Variants in NCOA2 observed in about 807,000 individuals in gnomAD.
The protein encoded by NCOA2 is nuclear receptor coactivator 2.
NCOA2 carries 21 observed loss-of-function variants against 145.1 expected under a neutral mutation model. That is an observed-to-expected ratio of 0.14 (90% confidence interval 0.10 to 0.21). NCOA2 has a LOEUF of 0.21. Among genes scored for constraint, NCOA2 ranks in the 10% least tolerant of loss-of-function variants. NCOA2 has a pLI of 1.00. For missense variants in NCOA2, 1,472 were observed against 1,837.6 expected, an observed-to-expected ratio of 0.80 and a Z score of 3.64; for synonymous variants, 619 against 637.5, an observed-to-expected ratio of 0.97 and a Z score of 0.44.
At chr8:70,422,401 G>T in the NCOA2 span, among the ~76,000 whole-genome samples, 3 of 144,876 alleles carry the variant, frequency 2.1e-5, no homozygotes, top group African/African-American at 5.0e-5. Context: ...AAAATGCTGT[G>T]TTTTTTTTTT....
chr8:70,273,260 G>C (rs1563708074), intron 2 of NCOA2: 1 of 201,068 alleles, frequency 5.0e-6, no homozygotes, highest in Non-Finnish European at 1.0e-5. Flanking sequence ...ACTTAGAACA[G>C]GGAGCTGCCA....
chr8:70,399,771 C>T (rs964680706), intron 1 of NCOA2, among the ~76,000 whole-genome samples: 1 of 152,188 alleles, frequency 6.6e-6, no homozygotes, highest in Non-Finnish European at 1.5e-5. Context: ...TTTAAAGAGA[C>T]CATCCCCTTT....
Position 70,157,098 on chromosome 8 carries a change from T to C in NCOA2, c.1267A>G (p.Ile423Val), listed in dbSNP as rs777387614. 1.1e-5 allele frequency: 17 copies of C among 1,613,920 alleles called. No homozygotes were observed. In the African/African-American group the frequency reaches 1.7e-4, roughly 16 times the overall value. ...TTTGGGCCATTTATGGGAAAATTTA[T>C]ATTGCTACTGAGGGTCATGTCCTGA... ...PGQDMTLSSN[I>V]NFPINGPKEQ... Residue 423 changes from isoleucine (I) to valine (V), a missense_variant, in exon 11 of 23, where the codon ATA becomes GTA. Around this residue, in one of 4 missense-constraint regions of NCOA2, gnomAD observed 953 missense variants for 1,062.1 expected, o/e 0.90. Transcript: ENST00000452400.
At chr8:70,439,173 A>C in the NCOA2 span, among the ~76,000 whole-genome samples, 2 of 152,142 alleles carry the variant, frequency 1.3e-5, no homozygotes, top group Non-Finnish European at 2.9e-5. Flanking sequence ...CTAAGTTTGT[A>C]TGTCTCTTGC....
At chr8:70,449,516 C>A in the NCOA2 span, among the ~76,000 whole-genome samples, 2 of 152,174 alleles carry the variant, frequency 1.3e-5, no homozygotes, top group East Asian at 3.8e-4. Context: ...GGAGAGGGAG[C>A]GAGCAAAGGA....
At chr8:70,118,914 T>C (rs969781163) in intron 22 of NCOA2, among the ~76,000 whole-genome samples, 2 of 152,042 alleles carry the variant, frequency 1.3e-5, no homozygotes, top group Admixed American at 6.6e-5. Context: ...TCTCAAACTC[T>C]TGACCTCAGG....
intron 1 of NCOA2, among the ~76,000 whole-genome samples, chr8:70,366,501 G>A (rs1247979085): frequency 2.6e-5 from 4 of 151,332 alleles, no homozygotes; most frequent in Admixed American, 2.6e-4. Context: ...GGGGCTTTCG[G>A]GGGGAGAAGA....
At chr8:70,119,679 C>CT (rs1477711346) in intron 22 of NCOA2, among the ~76,000 whole-genome samples, 2 of 152,088 alleles carry the variant, frequency 1.3e-5, no homozygotes, top group Non-Finnish European at 2.9e-5. Flanking sequence ...TGAGAGTTCC[C>CT]TTTTTTACTC....
intron 13 of NCOA2, among the ~76,000 whole-genome samples, chr8:70,142,643 G>A (rs1810576558): frequency 2.0e-5 from 3 of 152,288 alleles, no homozygotes; most frequent in Admixed American, 2.0e-4. Context: ...AAGCTATGGT[G>A]AGCTGTGATT....
At chr8:70,430,266 C>T in the NCOA2 span, among the ~76,000 whole-genome samples, 3 of 152,150 alleles carry the variant, frequency 2.0e-5, no homozygotes, top group Admixed American at 6.6e-5. Flanking sequence ...TTTGAATTTA[C>T]CTTACAGATA....
chr8:70,192,111 C>T (rs1816758405), intron 4 of NCOA2, among the ~76,000 whole-genome samples: 1 of 152,056 alleles, frequency 6.6e-6, no homozygotes, highest in Non-Finnish European at 1.5e-5. Flanking sequence ...TGAAACCAAG[C>T]TTTACATGTA....
chr8:70,198,183 G>A (rs963463224), intron 4 of NCOA2, among the ~76,000 whole-genome samples: 2 of 152,254 alleles, frequency 1.3e-5, no homozygotes, highest in South Asian at 4.1e-4. Flanking sequence ...TTAAGATAAG[G>A]TTCCTCCACA....
intron 2 of NCOA2, among the ~76,000 whole-genome samples, chr8:70,273,186 C>T (rs1825189494): frequency 6.6e-6 from 1 of 152,066 alleles, no homozygotes; most frequent in Admixed American, 6.5e-5. Context: ...TAGCCTAAAG[C>T]AGTGAGCAGA....
At chr8:70,168,833 G>C (rs891607267) in intron 6 of NCOA2, among the ~76,000 whole-genome samples, 1 of 152,134 alleles carries the variant, frequency 6.6e-6, no homozygotes, top group Admixed American at 6.5e-5. Context: ...CTACTGAAGA[G>C]ATCTGAAAAT....
chr8:70,391,324 C>G (rs1219612267), intron 1 of NCOA2, among the ~76,000 whole-genome samples: 1 of 152,214 alleles, frequency 6.6e-6, no homozygotes, highest in Admixed American at 6.5e-5. Flanking sequence ...TTCTATCCCC[C>G]TCCTTAATCT....
At chr8:70,257,733 T>C (rs1823756663) in intron 2 of NCOA2, among the ~76,000 whole-genome samples, 2 of 152,256 alleles carry the variant, frequency 1.3e-5, no homozygotes, top group South Asian at 4.2e-4. Flanking sequence ...TGAAGTCTTG[T>C]ACAACTTGGC....
chr8:70,434,793 A>G, the NCOA2 span, among the ~76,000 whole-genome samples: 1 of 151,480 alleles, frequency 6.6e-6, no homozygotes, highest in Admixed American at 6.6e-5. Context: ...CTGGTCTTGA[A>G]CTCCTGGGTT....
chr8:70,273,979 T>C, intron 2 of NCOA2: 1 of 359,090 alleles, frequency 2.8e-6, no homozygotes, highest in Non-Finnish European at 5.4e-6. Context: ...CTAATATTTT[T>C]AAGCTCAAGT....
At chr8:70,296,881 C>A (rs1250821306) in intron 1 of NCOA2, 81 bp from the exon 2 acceptor site, 1 of 152,130 alleles carries the variant, frequency 6.6e-6, no homozygotes, top group Admixed American at 6.5e-5. Flanking sequence ...ATTTTTATAA[C>A]CGATTTTCAA....
Sources: allele counts gnomAD v4.1 joint callset (sites outside exome capture counted in the v4.1 genomes callset), GRCh38; gene constraint gnomAD v4.1.1; regional missense constraint gnomAD v4.1.1; transcripts MANE v1.5; gene names NCBI Gene and HGNC (gene_info 2026-07-23, HGNC 2026-07-21).